The following POLR1B variants were observed in gnomAD, a reference collection of about 807,000 sequenced individuals.
The protein encoded by POLR1B is DNA-directed RNA polymerase I subunit RPA2.
In POLR1B, 30 loss-of-function variants were observed where a neutral mutation model predicts 105.8. The observed-to-expected ratio is 0.28, with a 90% CI of 0.21 to 0.38. The LOEUF is 0.38. Ranked by LOEUF, POLR1B falls within the 10% of genes least tolerant of loss-of-function variation. The pLI, the probability that POLR1B is intolerant of heterozygous loss-of-function variation, is 1.00. For synonymous variants in POLR1B, 485 were observed against 505.1 expected (o/e 0.96, Z 0.53); for missense variants, 976 against 1,435.8 (o/e 0.68, Z 5.17).
At chr2:112,569,484 AGTT>A (rs765861040) in intron 12 of POLR1B, among the ~76,000 whole-genome samples, 12 of 152,102 alleles carry the variant, frequency 7.9e-5, no homozygotes, top group African/African-American at 1.9e-4. Flanking sequence ...AACACTTAAA[AGTT>A]GTTGTTACAC....
chr2:112,576,148 AAAAAC>A lies in POLR1B; in HGVS notation c.*423_*427del, dbSNP rs1455793628. 6.0e-6 allele frequency: 1 copy of A among 165,770 alleles called. No homozygotes were observed. The highest frequency in any genetic ancestry group is 1.3e-5 in the Non-Finnish European group (1 of 76,050). 10.3% of individuals were successfully genotyped at this position (165,770 alleles called of 1,614,324 possible). A position where few individuals can be genotyped will look rare whatever the true frequency, so the allele number is the denominator to read the frequency against. On this transcript the variant is annotated 3_prime_UTR_variant, in exon 15 of 15. Coordinates refer to ENST00000263331, the MANE Select transcript of POLR1B (RefSeq NM_019014.6). Reference sequence around the variant, plus strand: ...TATTTTCTTATAGCCACGTTGAAGTAAAAACAAACAGGTACAGTGTTTTTTACCAG... The same window carrying A: ...TATTTTCTTATAGCCACGTTGAAGTAAAACAGGTACAGTGTTTTTTACCAG...
chr2:112,574,956 A>G lies in POLR1B; in HGVS notation c.2635A>G (p.Ile879Val). ...ITMRVPRNPT[I>V]GDKFASRHGQ... is the part of the protein sequence containing the mutation. ...TATGAGAGTGCCTCGGAACCCAACT[A>G]TCGGAGATAAATTTGCCAGTCGCCA... is the stretch of plus-strand genomic sequence containing the variant. The change falls in exon 15 of 15, where the codon ATC (isoleucine) becomes GTC (valine). Residue 879 changes from isoleucine to valine, a missense_variant. Transcript: ENST00000263331. 1 of 1,614,170 alleles carries G rather than the reference A, an allele frequency of 6.2e-7. No homozygotes were observed. The highest frequency in any genetic ancestry group is 8.5e-7 in the Non-Finnish European group (1 of 1,180,034).
chr2:112,556,420 TC>T (rs999739228), intron 7 of POLR1B, among the ~76,000 whole-genome samples: 1 of 152,202 alleles, frequency 6.6e-6, no homozygotes, highest in Middle Eastern at 3.2e-3. Flanking sequence ...TATTCCTTCT[TC>T]CCACACCTCT....
chr2:112,567,032 C>T (rs567303799), intron 10 of POLR1B, among the ~76,000 whole-genome samples: 7 of 151,878 alleles, frequency 4.6e-5, no homozygotes, highest in African/African-American at 7.3e-5. Flanking sequence ...TTTTCATTCT[C>T]TTTTTTTTGG....
chr2:112,550,149 T>G (rs1213790351), intron 4 of POLR1B, among the ~76,000 whole-genome samples: 1 of 152,200 alleles, frequency 6.6e-6, no homozygotes, highest in Admixed American at 6.5e-5. Context: ...AGCATGTGTA[T>G]TTTTGTTACT....
In POLR1B at chr2:112,575,525, T is replaced by C. The variant is rs201861131; in HGVS notation, c.3204T>C (p.His1068=). The change falls in exon 15 of 15, where the codon CAT becomes CAC. Residue 1068 remains histidine (H), a synonymous_variant. Coordinates refer to ENST00000263331, the MANE Select transcript of POLR1B (RefSeq NM_019014.6). The surrounding 1 kb of genome is among the most constrained non-coding windows in gnomAD (Gnocchi z 5.3). ...LFNCSDRSVA[H]VCVKCGSLLS... The stretch of plus-strand genomic sequence containing the variant: ...ACTGCTCAGATCGGTCGGTAGCCCA[T>C]GTGTGTGTGAAGTGTGGCAGTTTAC... 18 of 1,614,130 alleles carry C rather than the reference T, an allele frequency of 1.1e-5. No homozygotes were observed. Among genetic ancestry groups the C allele is most frequent in the African/African-American group, 5.3e-5 (4 of 75,026 alleles).
intron 10 of POLR1B, 43 bp from the exon 11 acceptor site, chr2:112,567,924 G>A (rs773069005): frequency 6.4e-7 from 1 of 1,557,784 alleles, no homozygotes; most frequent in East Asian, 2.2e-5. Flanking sequence ...GACAGCCATG[G>A]CCTTGGGACA....
upstream of POLR1B, chr2:112,542,185 C>T: frequency 6.5e-7 from 1 of 1,535,622 alleles, no homozygotes; most frequent in East Asian, 2.4e-5. Flanking sequence ...CTCAACTGGG[C>T]GGGGAGCGGG....
chr2:112,551,702 AGAT>A (rs1683373856), intron 5 of POLR1B, 70 bp from the exon 6 acceptor site: 1 of 1,237,676 alleles, frequency 8.1e-7, no homozygotes, highest in East Asian at 2.4e-5. Context: ...AAATGAGAGA[AGAT>A]AATTATTAGT....
chr2:112,572,326 T>C (rs912775621), intron 12 of POLR1B, among the ~76,000 whole-genome samples: 2 of 152,246 alleles, frequency 1.3e-5, no homozygotes, highest in African/African-American at 2.4e-5. Context: ...TCATATTAAA[T>C]GTCAGTCTGC....
At chr2:112,556,791 A>G (rs528893051) in intron 7 of POLR1B, among the ~76,000 whole-genome samples, 1 of 152,312 alleles carries the variant, frequency 6.6e-6, no homozygotes, top group Non-Finnish European at 1.5e-5. Flanking sequence ...GAAAGCGCTG[A>G]TGGTGTATAG....
chr2:112,544,202 G>C (rs972725399), intron 1 of POLR1B, among the ~76,000 whole-genome samples: 1 of 151,904 alleles, frequency 6.6e-6, no homozygotes, highest in Non-Finnish European at 1.5e-5. Flanking sequence ...AGGTCAAGGC[G>C]GGTGGATCAC....
chr2:112,556,786 C>T (rs1186467808), intron 7 of POLR1B, among the ~76,000 whole-genome samples: 1 of 152,112 alleles, frequency 6.6e-6, no homozygotes, highest in Non-Finnish European at 1.5e-5. Context: ...CCATAGAAAG[C>T]GCTGATGGTG....
At chr2:112,574,801 A>G (rs1462962823) in intron 14 of POLR1B, 46 bp from the exon 15 acceptor site, 1 of 1,496,122 alleles carries the variant, frequency 6.7e-7, no homozygotes, top group Admixed American at 2.0e-5. Context: ...TTATCTCCAT[A>G]AGTTAAAACA....
intron 12 of POLR1B, 81 bp downstream of exon 12, chr2:112,568,983 C>T: frequency 7.3e-7 from 1 of 1,377,070 alleles, no homozygotes. Flanking sequence ...TCCTTATTTA[C>T]ATATGCTGAC....
chr2:112,557,811 C>T (rs1406557223), intron 7 of POLR1B, 99 bp from the exon 8 acceptor site: 2 of 533,684 alleles, frequency 3.7e-6, no homozygotes, highest in Admixed American at 1.1e-4. Flanking sequence ...ATGTTGAACT[C>T]TTGGTCTCAA....
intron 8 of POLR1B, 83 bp from the exon 9 acceptor site, chr2:112,559,210 T>A: frequency 6.8e-7 from 1 of 1,478,928 alleles, no homozygotes; most frequent in East Asian, 2.3e-5. Flanking sequence ...TAGAGTGCTC[T>A]GAGGTTTTGT....
chr2:112,552,752 A>G lies in POLR1B; in HGVS notation c.1094A>G (p.Asn365Ser), dbSNP rs759507309. Reference protein sequence around the residue: ...ALAKGECMEDNPDSLVNQEVL... With the variant: ...ALAKGECMEDSPDSLVNQEVL... ...GCCAAAGGAGAGTGCATGGAGGACA[A>G]TCCTGATAGTTTGGTGAACCAGGAA... The change falls in exon 7 of 15, where the codon AAT (asparagine) becomes AGT (serine). Residue 365 changes from asparagine to serine, a missense_variant. By Grantham distance (46) the Asn-to-Ser change is conservative. Around this residue, in one of 12 missense-constraint regions of POLR1B, gnomAD observed 452 missense variants for 616.5 expected, o/e 0.73. Coordinates refer to ENST00000263331, the MANE Select transcript of POLR1B (RefSeq NM_019014.6). 4 of 1,610,828 alleles carry G rather than the reference A, an allele frequency of 2.5e-6. No homozygotes were observed. Among genetic ancestry groups the G allele is most frequent in the East Asian group, 2.2e-5 (1 of 44,766 alleles).
At chr2:112,548,901 C>T (rs537176806) in intron 3 of POLR1B, among the ~76,000 whole-genome samples, 457 of 152,230 alleles carry the variant, frequency 3.0e-3, no homozygotes, top group African/African-American at 0.01. Context: ...CGTGAGCCAC[C>T]GCGCCCGGCC....
Sources: allele counts gnomAD v4.1 joint callset (sites outside exome capture counted in the v4.1 genomes callset), GRCh38; gene constraint gnomAD v4.1.1; regional missense constraint gnomAD v4.1.1; non-coding constraint Gnocchi (gnomAD v3.1); transcripts MANE v1.5; gene names NCBI Gene and HGNC (gene_info 2026-07-23, HGNC 2026-07-21).